Variants in ARHGAP23 observed in about 807,000 individuals in gnomAD.
The protein encoded by ARHGAP23 is Rho GTPase activating protein 23, also known as rho GTPase-activating protein 23.
Under a neutral mutation model 136.3 loss-of-function variants are expected in ARHGAP23, and 34 were observed. The ratio of observed to expected loss-of-function variants is 0.25; its 90% confidence interval spans 0.19 to 0.33. The LOEUF is 0.33. Among genes scored for constraint, ARHGAP23 ranks in the 10% least tolerant of loss-of-function variants. The pLI is 1.00. For synonymous variants in ARHGAP23, 832 were observed against 920.5 expected (o/e 0.90, Z 1.74); for missense variants, 1,808 against 2,139.0 (o/e 0.85, Z 3.05).
intron 11 of ARHGAP23, among the ~76,000 whole-genome samples, chr17:38,474,370 C>CT (rs2039839828): frequency 6.6e-6 from 1 of 152,118 alleles, no homozygotes. Flanking sequence ...GGAGCAGACA[C>CT]TTTAGAGAGA....
Position 38,511,022 on chromosome 17 carries a change from G to A in ARHGAP23, c.*50G>A. The A allele has an allele frequency of 5.1e-6, 7 of 1,379,358 alleles. No individual in the cohort carries two copies. Among genetic ancestry groups the A allele is most frequent in the Non-Finnish European group, 6.5e-6 (7 of 1,075,632 alleles). 85.4% of individuals were successfully genotyped at this position (1,379,358 alleles called of 1,614,324 possible). On this transcript the variant is annotated 3_prime_UTR_variant, in exon 24 of 24. Coordinates refer to ENST00000622683, the MANE Select transcript of ARHGAP23 (RefSeq NM_001199417.2). Reference sequence around the variant, plus strand: ...CGCCACCCCTCCCTAGAGCCCCTTTGGAACCAGGAGGCTTCACCAGCCTGC... The same window carrying A: ...CGCCACCCCTCCCTAGAGCCCCTTTAGAACCAGGAGGCTTCACCAGCCTGC...
rs1307365263 is a variant in ARHGAP23, at chr17:38,510,099, G to A, written c.3603G>A (p.Gly1201=). ...DDSEQEAHKP[G]AGATAPGTQE... is the part of the protein sequence containing the mutation. ...CGGAGCAGGAGGCGCACAAGCCTGG[G>A]GCGGGGGCCACAGCGCCGGGGACTC... The change falls in exon 24 of 24, where the codon GGG becomes GGA. Residue 1201 remains glycine (G), a synonymous_variant. Coordinates refer to ENST00000622683, the MANE Select transcript of ARHGAP23 (RefSeq NM_001199417.2). The surrounding 1 kb of genome is among the most constrained non-coding windows in gnomAD (Gnocchi z 4.6). 1.6e-6 allele frequency: 2 copies of A among 1,245,178 alleles called. No individual in the cohort carries two copies. Among genetic ancestry groups the A allele is most frequent in the African/African-American group, 1.6e-5 (1 of 64,380 alleles). The allele number at this position is 1,245,178 out of a possible 1,614,324, so 77.1% of individuals were successfully genotyped here.
At position 38,467,144 on chromosome 17, in the gene ARHGAP23, TGA is replaced by T. The variant is rs755144799; in HGVS notation, c.1463_1464del (p.Glu488GlyfsTer27). On this transcript the variant is annotated frameshift_variant, in exon 7 of 24. Transcript: ENST00000622683. LOFTEE classifies it high-confidence loss of function. ...LEPPAEDRGD[E>X]VVLRQKPPTG... ...AGCCTCCTGCGGAGGATCGCGGCGA[TGA>T]GGTGGTCCTGAGGCAGAAGCCCCCG... is the stretch of plus-strand genomic sequence containing the variant. 1 of 1,549,666 alleles carries T rather than the reference TGA, an allele frequency of 6.5e-7. No homozygotes were observed. Among genetic ancestry groups the T allele is most frequent in the Non-Finnish European group, 8.7e-7 (1 of 1,146,368 alleles).
chr17:38,499,629 G>A (rs1257421573), intron 22 of ARHGAP23, among the ~76,000 whole-genome samples: 10 of 152,136 alleles, frequency 6.6e-5, no homozygotes, highest in African/African-American at 1.9e-4. Flanking sequence ...GGGGTGGGAC[G>A]GCAGAGAGGG....
Position 38,469,652 on chromosome 17 carries a change from A to G in ARHGAP23, c.1916+17A>G. 4.5e-6 allele frequency: 7 copies of G among 1,547,184 alleles called. No individual in the cohort carries two copies. The highest frequency in any genetic ancestry group is 6.1e-6 in the Non-Finnish European group (7 of 1,145,762). On this transcript the variant is annotated intron_variant, in intron 9 of 23. Coordinates refer to ENST00000622683, the MANE Select transcript of ARHGAP23 (RefSeq NM_001199417.2). The stretch of plus-strand genomic sequence containing the variant: ...GGTTCTGCGGTGAGGCCCTGTCCGG[A>G]CACGGGGTGGGGTGGCCACAGCCAC...
chr17:38,424,335 A>T (rs2038549122), upstream of ARHGAP23, among the ~76,000 whole-genome samples: 1 of 151,788 alleles, frequency 6.6e-6, no homozygotes, highest in Non-Finnish European at 1.5e-5. Flanking sequence ...CCTTGTCCAC[A>T]CCCACCTGTG....
intron 2 of ARHGAP23, 78 bp downstream of exon 2, chr17:38,458,341 A>T: frequency 1.4e-6 from 2 of 1,434,590 alleles, no homozygotes; most frequent in Non-Finnish European, 1.8e-6. Flanking sequence ...AGTCCCCTTC[A>T]TGGTCCTTTC....
In ARHGAP23 at chr17:38,435,967, AG is replaced by A. The variant is rs1443586176; in HGVS notation, c.63+7421del. Among the ~76,000 whole-genome samples, 4 of 152,086 alleles carry A rather than the reference AG, an allele frequency of 2.6e-5. No individual in the cohort carries two copies. The South Asian group carries it at 6.2e-4, about 24-fold the overall frequency. ...GTGGCCCTGGGCTCCTCCCCAAGAG[AG>A]GTGGAGGAGGGGGCGGAGGCCCCAG... On this transcript the variant is annotated intron_variant, in intron 1 of 23. Coordinates refer to ENST00000622683, the MANE Select transcript of ARHGAP23 (RefSeq NM_001199417.2).
intron 1 of ARHGAP23, among the ~76,000 whole-genome samples, chr17:38,437,938 A>G (rs1341815110): frequency 6.6e-6 from 1 of 152,164 alleles, no homozygotes; most frequent in Non-Finnish European, 1.5e-5. Flanking sequence ...GTCAATAAAC[A>G]TGGCTGAGCC....
rs117752775 is a variant in ARHGAP23 at position 38,434,825 on chromosome 17, C to T, written c.63+6277C>T. ...GAGCTTGGAAAGAATCGGGTGTGGA[C>T]GCCAGACTCAGAGCTCTTGGGAGGA... On this transcript the variant is annotated intron_variant, in intron 1 of 23. Transcript: ENST00000622683. Among the ~76,000 whole-genome samples the T allele has an allele frequency of 5.3e-3, 804 of 152,310 alleles. 3 individuals are homozygous for T. The highest frequency in any genetic ancestry group is 0.01 in the Middle Eastern group (3 of 294).
intron 1 of ARHGAP23, among the ~76,000 whole-genome samples, chr17:38,430,384 G>T (rs781624930): frequency 2.6e-4 from 40 of 152,062 alleles, no homozygotes; most frequent in East Asian, 1.9e-4. Context: ...AGGACTGGGT[G>T]GGGGGAAGAG....
intron 23 of ARHGAP23, among the ~76,000 whole-genome samples, chr17:38,504,662 C>T (rs536282000): frequency 1.5e-3 from 235 of 152,320 alleles, no homozygotes; most frequent in African/African-American, 5.4e-3. Flanking sequence ...CCCACGGCCT[C>T]CATCTGAGCC....
chr17:38,506,647 AAG>A (rs1201480558), intron 23 of ARHGAP23, among the ~76,000 whole-genome samples: 7 of 152,162 alleles, frequency 4.6e-5, no homozygotes, highest in Non-Finnish European at 5.9e-5. Context: ...GCAGAAAGAA[AAG>A]AGAGCGCAAG....
chr17:38,474,145 T>C (rs1333332474), intron 11 of ARHGAP23, among the ~76,000 whole-genome samples: 13 of 152,210 alleles, frequency 8.5e-5, no homozygotes, highest in Non-Finnish European at 1.5e-4. Context: ...GGTCTTGAAC[T>C]CCTGACCTCA....
intron 1 of ARHGAP23, among the ~76,000 whole-genome samples, chr17:38,446,873 A>G (rs2039047176): frequency 6.6e-6 from 1 of 151,950 alleles, no homozygotes; most frequent in Non-Finnish European, 1.5e-5. Flanking sequence ...TAGTGTGATC[A>G]TAGCATCATA....
intron 6 of ARHGAP23, 145 bp downstream of exon 6, chr17:38,463,527 C>A: frequency 1.0e-6 from 1 of 987,898 alleles, no homozygotes; most frequent in Non-Finnish European, 1.5e-6. Context: ...TGGGCTGGGG[C>A]TGGTTGTTGC....
chr17:38,429,924 T>C (rs575025478), intron 1 of ARHGAP23, among the ~76,000 whole-genome samples: 1 of 152,274 alleles, frequency 6.6e-6, no homozygotes, highest in East Asian at 1.9e-4. Flanking sequence ...CTCACTGCCA[T>C]GTGCTCCTTG....
At position 38,467,002 on chromosome 17, in the gene ARHGAP23, A is replaced by G. The variant is rs977158016; in HGVS notation, c.1319A>G (p.Asp440Gly). The change falls in exon 7 of 24, where the codon GAC becomes GGC. Residue 440 changes from aspartate to glycine, a missense_variant. Coordinates refer to ENST00000622683, the MANE Select transcript of ARHGAP23 (RefSeq NM_001199417.2). ...CTCCTCCATGCGCTCTCCTTCCGGG[A>G]CTCACCCTTTGGGGGGCTGCCTACC... is the stretch of plus-strand genomic sequence containing the variant. ...TGLLHALSFRDSPFGGLPTFN... is the reference protein window; with the variant it reads ...TGLLHALSFRGSPFGGLPTFN... The G allele has an allele frequency of 1.3e-6, 2 of 1,550,174 alleles. No homozygotes were observed. Among genetic ancestry groups the G allele is most frequent in the East Asian group, 4.9e-5 (2 of 40,874 alleles).
Position 38,510,394 on chromosome 17 carries a change from C to T in ARHGAP23, c.3898C>T (p.Arg1300Cys). 1 of 1,240,318 alleles carries T rather than the reference C, an allele frequency of 8.1e-7. No individual in the cohort carries two copies. Among genetic ancestry groups the T allele is most frequent in the Non-Finnish European group, 1.0e-6 (1 of 993,556 alleles). The allele number at this position is 1,240,318 out of a possible 1,614,324, so 76.8% of individuals were successfully genotyped here. The stretch of plus-strand genomic sequence containing the variant: ...CGCGGCGGGCGCGGGGCCTGGGGGG[C>T]GCCTGACACGCCGGCCGTCCTTCAG... ...EGAAGAGPGG[R>C]LTRRPSFSSH... Residue 1300 changes from arginine (R) to cysteine (C), a missense_variant, in exon 24 of 24, where the codon CGC becomes TGC. This residue lies in a region of ARHGAP23 where 506 missense variants were observed against 455.8 expected (regional missense o/e 1.11). Coordinates refer to ENST00000622683, the MANE Select transcript of ARHGAP23 (RefSeq NM_001199417.2). The surrounding 1 kb of genome is among the most constrained non-coding windows in gnomAD (Gnocchi z 4.6).
Sources: gnomAD v4.1 joint callset for allele counts (sites outside exome capture counted in the v4.1 genomes callset) on GRCh38, gnomAD v4.1.1 for gene constraint, gnomAD v4.1.1 regional missense constraint, Gnocchi (gnomAD v3.1) non-coding constraint, MANE v1.5 for transcripts, NCBI Gene and HGNC (gene_info 2026-07-23, HGNC 2026-07-21) for gene names.